The following SPATA16 variants were observed in gnomAD, a reference collection of about 807,000 sequenced individuals.
The protein encoded by SPATA16 is spermatogenesis-associated protein 16.
SPATA16 carries 36 observed loss-of-function variants against 63.3 expected under a neutral mutation model. The observed-to-expected ratio is 0.57, with a 90% CI of 0.44 to 0.75. SPATA16 has a LOEUF of 0.75. Ranked by LOEUF, SPATA16 falls within the 30% of genes least tolerant of loss-of-function variation. SPATA16 has a pLI of 0.00. For missense variants in SPATA16, 646 were observed against 679.3 expected (o/e 0.95, Z 0.54); for synonymous variants, 203 against 216.7 (o/e 0.94, Z 0.56).
intron 2 of SPATA16, among the ~76,000 whole-genome samples, chr3:173,088,024 T>A (rs184331103): frequency 0.012 from 1,413 of 114,632 alleles, 67 homozygotes; most frequent in African/African-American, 0.036. Flanking sequence ...CTTTCTTTCT[T>A]TCTTTCTTTC....
intron 2 of SPATA16, among the ~76,000 whole-genome samples, chr3:173,078,711 G>T (rs184801950): frequency 6.6e-6 from 1 of 152,296 alleles, no homozygotes; most frequent in East Asian, 1.9e-4. Flanking sequence ...TTACTGCCAA[G>T]AAGTGATATC....
intron 6 of SPATA16, among the ~76,000 whole-genome samples, chr3:172,936,527 T>C (rs555155681): frequency 6.6e-6 from 1 of 152,254 alleles, no homozygotes; most frequent in South Asian, 2.1e-4. Context: ...GCATTCACTG[T>C]TTTTGTTGCT....
At chr3:173,027,580 C>T (rs763935324) in intron 3 of SPATA16, among the ~76,000 whole-genome samples, 15 of 151,780 alleles carry the variant, frequency 9.9e-5, no homozygotes, top group Non-Finnish European at 2.1e-4. Context: ...ATTCCTCTCT[C>T]TCCTTTTCCT....
chr3:172,919,803 G>A (rs938340291), intron 8 of SPATA16, among the ~76,000 whole-genome samples: 1 of 151,500 alleles, frequency 6.6e-6, no homozygotes, highest in African/African-American at 2.4e-5. Flanking sequence ...TCAGCCTCCT[G>A]AATAGCTGGG....
At chr3:172,896,464 G>T (rs1002014512) in intron 10 of SPATA16, among the ~76,000 whole-genome samples, 1 of 152,040 alleles carries the variant, frequency 6.6e-6, no homozygotes, top group African/African-American at 2.4e-5. Flanking sequence ...TTCGTGATCC[G>T]CCTGCCTTGG....
intron 2 of SPATA16, among the ~76,000 whole-genome samples, chr3:173,108,067 A>T (rs1007793370): frequency 4.6e-5 from 7 of 152,230 alleles, no homozygotes; most frequent in Non-Finnish European, 8.8e-5. Flanking sequence ...AATCAAACAC[A>T]TAATGACCAC....
intron 3 of SPATA16, among the ~76,000 whole-genome samples, chr3:173,023,472 T>C (rs1473216424): frequency 6.6e-6 from 1 of 152,028 alleles, no homozygotes; most frequent in Non-Finnish European, 1.5e-5. Flanking sequence ...TATGTGAATA[T>C]ATTTGTTAGT....
chr3:173,101,158 G>C (rs1327695233), intron 2 of SPATA16, among the ~76,000 whole-genome samples: 1 of 152,116 alleles, frequency 6.6e-6, no homozygotes, highest in East Asian at 1.9e-4. Context: ...GACTTCCAGT[G>C]CAAGTGGATT....
intron 6 of SPATA16, 108 bp downstream of exon 6, chr3:172,956,569 A>G (rs1733600383): frequency 5.7e-6 from 7 of 1,230,238 alleles, no homozygotes; most frequent in African/African-American, 3.0e-5. Flanking sequence ...AGATGAAAAC[A>G]GTGTACTCCT....
intron 1 of SPATA16, among the ~76,000 whole-genome samples, chr3:173,136,623 C>T (rs1047930092): frequency 3.9e-5 from 6 of 152,184 alleles, no homozygotes; most frequent in Non-Finnish European, 7.3e-5. Context: ...GTTTTTCATA[C>T]TCATTACTGT....
chr3:172,962,870 A>G (rs1412764795), intron 5 of SPATA16, among the ~76,000 whole-genome samples: 3 of 152,146 alleles, frequency 2.0e-5, no homozygotes, highest in Non-Finnish European at 2.9e-5. Context: ...GAAAATGGAA[A>G]AATAAAATTT....
At chr3:172,940,955 C>T (rs1328122360) in intron 6 of SPATA16, among the ~76,000 whole-genome samples, 2 of 152,158 alleles carry the variant, frequency 1.3e-5, no homozygotes, top group East Asian at 3.9e-4. Context: ...AGCACTCCAG[C>T]CTGGGTGACA....
chr3:172,982,733 T>C (rs1208469502), intron 4 of SPATA16, among the ~76,000 whole-genome samples: 1 of 152,218 alleles, frequency 6.6e-6, no homozygotes, highest in Non-Finnish European at 1.5e-5. Context: ...TTATTTGTAA[T>C]TAATATCACA....
intron 4 of SPATA16, among the ~76,000 whole-genome samples, chr3:173,005,174 G>T (rs892678048): frequency 6.6e-6 from 1 of 151,718 alleles, no homozygotes; most frequent in Non-Finnish European, 1.5e-5. Context: ...ACACAAAAAC[G>T]TCAACCAGGC....
chr3:173,086,401 A>C (rs1015646962), intron 2 of SPATA16, among the ~76,000 whole-genome samples: 1 of 152,136 alleles, frequency 6.6e-6, no homozygotes, highest in South Asian at 2.1e-4. Context: ...ATGGTTTTCT[A>C]TGATGTCTAT....
chr3:173,088,311 T>C (rs1045754237), intron 2 of SPATA16, among the ~76,000 whole-genome samples: 1 of 151,832 alleles, frequency 6.6e-6, no homozygotes, highest in African/African-American at 2.4e-5. Flanking sequence ...TCTCTATCTC[T>C]TGACCTCATG....
intron 1 of SPATA16, among the ~76,000 whole-genome samples, chr3:173,125,917 G>A (rs965621309): frequency 6.6e-6 from 1 of 152,178 alleles, no homozygotes; most frequent in African/African-American, 2.4e-5. Context: ...ACATTCAAAA[G>A]TATCTTTTTG....
intron 4 of SPATA16, among the ~76,000 whole-genome samples, chr3:173,015,623 G>C (rs1735164622): frequency 6.6e-6 from 1 of 152,094 alleles, no homozygotes; most frequent in Non-Finnish European, 1.5e-5. Flanking sequence ...TGATATAGCT[G>C]AATGGTTATC....
chr3:173,080,904 G>C (rs1736907760), intron 2 of SPATA16, among the ~76,000 whole-genome samples: 1 of 152,144 alleles, frequency 6.6e-6, no homozygotes, highest in Non-Finnish European at 1.5e-5. Context: ...GAGAAGAAAA[G>C]AATGATATAC....
Sources: gnomAD v4.1 joint callset for allele counts (sites outside exome capture counted in the v4.1 genomes callset) on GRCh38, gnomAD v4.1.1 for gene constraint, MANE v1.5 for transcripts, NCBI Gene and HGNC (gene_info 2026-07-23, HGNC 2026-07-21) for gene names.